The following FRMPD4 variants were observed in gnomAD, a reference collection of about 807,000 sequenced individuals.
The protein encoded by FRMPD4 is FERM and PDZ domain containing 4, also known as FERM and PDZ domain-containing protein 4.
In FRMPD4, 22 loss-of-function variants were observed where a neutral mutation model predicts 94.1. The observed-to-expected ratio is 0.23, with a 90% confidence interval of 0.17 to 0.33. FRMPD4 has a LOEUF of 0.33. FRMPD4 is among the 10% of genes least tolerant of loss of function. FRMPD4 has a pLI of 1.00. For synonymous variants in FRMPD4, 631 were observed against 548.6 expected, an observed-to-expected ratio of 1.15 and a Z score of -2.10; for missense variants, 1,111 against 1,339.9, an observed-to-expected ratio of 0.83 and a Z score of 2.67.
At chrX:11,839,349 T>C (rs2053519655) in intron 1 of FRMPD4, among the ~76,000 whole-genome samples, 1 of 111,817 alleles carries the variant, frequency 8.9e-6, no homozygotes, top group Admixed American at 9.5e-5. Flanking sequence ...CCTTAATGAC[T>C]AATGGCATCC....
At position 12,053,410 on chromosome X, in the gene FRMPD4, GAA is replaced by G. The variant is rs1428697520; in HGVS notation, c.95+175394_95+175395del. 3.3e-3 allele frequency among the ~76,000 whole-genome samples: 299 copies of G among 90,792 alleles called. 2 individuals carry two copies. The highest frequency in any genetic ancestry group is 8.7e-3 in the East Asian group (24 of 2,767). The allele number at this position is 90,792 out of a possible 115,157, so 78.8% of individuals were successfully genotyped here. A position where few individuals can be genotyped will look rare whatever the true frequency, so the allele number is the denominator to read the frequency against. On this transcript the variant is annotated intron_variant, in intron 3 of 18. Transcript: ENST00000640291. ...AGAAAGAAAGAAAGAAAGAAAGAAAGAAAGAAAGAAAGAAAGAAAGAGAAAGA... is the reference window on the plus strand; with the variant it reads ...AGAAAGAAAGAAAGAAAGAAAGAAAGAGAAAGAAAGAAAGAAAGAGAAAGA...
At chrX:12,290,653 T>C (rs1376033652) in intron 1 of FRMPD4, among the ~76,000 whole-genome samples, 1 of 112,107 alleles carries the variant, frequency 8.9e-6, no homozygotes, top group Non-Finnish European at 1.9e-5. Context: ...TTTAATATTG[T>C]GTAGTACTCA....
chrX:12,049,718 A>T (rs1025859470), intron 3 of FRMPD4, among the ~76,000 whole-genome samples: 1 of 111,828 alleles, frequency 8.9e-6, no homozygotes, highest in Non-Finnish European at 1.9e-5. Context: ...AGAAGAAGGC[A>T]TTGTTATCAT....
intron 5 of FRMPD4, among the ~76,000 whole-genome samples, chrX:12,681,255 C>T (rs911497620): frequency 9.0e-6 from 1 of 111,727 alleles, no homozygotes; most frequent in African/African-American, 3.3e-5. Flanking sequence ...ATGTAAATAC[C>T]GCCTGCCTAA....
chrX:11,912,402 G>A (rs757513252), intron 3 of FRMPD4, among the ~76,000 whole-genome samples: 2 of 112,588 alleles, frequency 1.8e-5, no homozygotes, highest in Admixed American at 9.4e-5. Context: ...ACAATGAACC[G>A]ACAGTTTGAG....
At chrX:12,248,793 C>A (rs1167752137) in intron 1 of FRMPD4, among the ~76,000 whole-genome samples, 10 of 112,337 alleles carry the variant, frequency 8.9e-5, no homozygotes, top group African/African-American at 3.2e-4. Context: ...AATCCCAGCA[C>A]TTTGGGAGGC....
intron 3 of FRMPD4, among the ~76,000 whole-genome samples, chrX:12,033,520 T>G (rs370794282): frequency 9.0e-6 from 1 of 110,992 alleles, no homozygotes; most frequent in African/African-American, 3.3e-5. Context: ...AGATATTGAA[T>G]GCAATATCCA....
intron 1 of FRMPD4, among the ~76,000 whole-genome samples, chrX:12,440,263 C>G (rs902237707): frequency 8.9e-6 from 1 of 111,934 alleles, no homozygotes; most frequent in African/African-American, 3.2e-5. Flanking sequence ...ACTGGGTATT[C>G]TATATTTTAT....
At chrX:12,556,268 T>C (rs1888266440) in intron 2 of FRMPD4, among the ~76,000 whole-genome samples, 1 of 111,323 alleles carries the variant, frequency 9.0e-6, no homozygotes, top group Admixed American at 9.6e-5. Context: ...TGAGATGTAA[T>C]CAAACTCCTG....
chrX:11,979,563 C>A (rs950800930), intron 3 of FRMPD4, among the ~76,000 whole-genome samples: 13 of 111,831 alleles, frequency 1.2e-4, no homozygotes, highest in Non-Finnish European at 2.4e-4. Context: ...TAATTGTTGC[C>A]AATTTAGTGG....
intron 3 of FRMPD4, among the ~76,000 whole-genome samples, chrX:12,104,062 G>A (rs2055275993): frequency 8.9e-6 from 1 of 112,168 alleles, no homozygotes; most frequent in African/African-American, 3.2e-5. Flanking sequence ...AGTCATTAGG[G>A]CAAGCAAGAC....
chrX:12,471,071 AT>A (rs951652289), intron 1 of FRMPD4, among the ~76,000 whole-genome samples: 3 of 112,270 alleles, frequency 2.7e-5, no homozygotes, highest in African/African-American at 9.7e-5. Context: ...TGCACTTTTC[AT>A]TAAATAAGCT....
chrX:12,248,418 A>G (rs1360381396), intron 1 of FRMPD4, among the ~76,000 whole-genome samples: 1 of 112,250 alleles, frequency 8.9e-6, no homozygotes, highest in Non-Finnish European at 1.9e-5. Context: ...TTCACAAGAG[A>G]TAATTCTGGT....
chrX:12,332,199 T>G (rs1239280260), intron 1 of FRMPD4, among the ~76,000 whole-genome samples: 1 of 67,680 alleles, frequency 1.5e-5, no homozygotes, highest in Non-Finnish European at 2.4e-5. Context: ...TTTATATATA[T>G]ATATATATAG....
intron 1 of FRMPD4, among the ~76,000 whole-genome samples, chrX:12,409,319 T>C (rs1458894077): frequency 9.0e-6 from 1 of 111,519 alleles, no homozygotes; most frequent in Non-Finnish European, 1.9e-5. Context: ...GAACACCATA[T>C]AGTAAAGTAT....
intron 1 of FRMPD4, among the ~76,000 whole-genome samples, chrX:12,448,174 C>T (rs952951962): frequency 5.4e-5 from 6 of 111,891 alleles, no homozygotes; most frequent in South Asian, 3.7e-4. Context: ...TGTTTCCAGA[C>T]AAAACAAGCC....
At chrX:11,973,515 A>T (rs1176477418) in intron 3 of FRMPD4, among the ~76,000 whole-genome samples, 3 of 111,545 alleles carry the variant, frequency 2.7e-5, no homozygotes, top group African/African-American at 9.8e-5. Flanking sequence ...CAGAATCTAA[A>T]TTTTTTTATA....
chrX:12,675,617 A>G (rs2059891383), intron 5 of FRMPD4, among the ~76,000 whole-genome samples: 1 of 111,047 alleles, frequency 9.0e-6, no homozygotes, highest in African/African-American at 3.3e-5. Context: ...CTGTTGCCAC[A>G]CTCAGTCCTA....
chrX:12,694,009 C>CTGCTGGGGTTCCCTGAGGAGGCACCCT (rs1240489118), intron 8 of FRMPD4, among the ~76,000 whole-genome samples: 2 of 111,496 alleles, frequency 1.8e-5, no homozygotes, highest in African/African-American at 6.5e-5. Context: ...TAGCTACTCT[C>CTGCTGGGGTTCCCTGAGGAGGCACCCT]TGCTGGGGTT....
Sources: allele counts gnomAD v4.1 joint callset (sites outside exome capture counted in the v4.1 genomes callset), GRCh38; gene constraint gnomAD v4.1.1; transcripts MANE v1.5; gene names NCBI Gene and HGNC (gene_info 2026-07-23, HGNC 2026-07-21).